The following RAB11FIP4 variants were observed in gnomAD, a reference collection of about 807,000 sequenced individuals.
The protein encoded by RAB11FIP4 is RAB11 family interacting protein 4.
A neutral mutation model predicts 74.3 loss-of-function variants in RAB11FIP4; 23 were observed. That is an observed-to-expected ratio of 0.31 (90% CI 0.22 to 0.44). The LOEUF is 0.44. Among genes scored for constraint, RAB11FIP4 ranks in the 20% least tolerant of loss-of-function variants. The pLI, the probability that RAB11FIP4 is intolerant of heterozygous loss-of-function variation, is 1.00. For synonymous variants in RAB11FIP4, 360 were observed against 359.9 expected (o/e 1.00, Z 0.00); for missense variants, 630 against 863.9 (o/e 0.73, Z 3.39).
intron 3 of RAB11FIP4, among the ~76,000 whole-genome samples, chr17:31,509,795 G>T (rs896197813): frequency 2.6e-5 from 4 of 152,108 alleles, no homozygotes; most frequent in African/African-American, 9.7e-5. Flanking sequence ...CTTACCCCTG[G>T]CTCTGTTGGG....
intron 3 of RAB11FIP4, among the ~76,000 whole-genome samples, chr17:31,443,730 C>T (rs975578942): frequency 5.3e-5 from 8 of 151,854 alleles, no homozygotes; most frequent in Non-Finnish European, 1.2e-4. Flanking sequence ...GCCAACATGG[C>T]GAAACCCCAT....
In RAB11FIP4 at chr17:31,500,754, G is replaced by A. The variant is rs188621867; in HGVS notation, c.337-16897G>A. ...AAGAAAATGGAAGTGGCTGGGCATGGTGGCTCATGCCTGTAATCCCAGCAC... is the reference window on the plus strand; with the variant it reads ...AAGAAAATGGAAGTGGCTGGGCATGATGGCTCATGCCTGTAATCCCAGCAC... On this transcript the variant is annotated intron_variant, in intron 3 of 14. Transcript: ENST00000621161. Among the ~76,000 whole-genome samples the A allele has an allele frequency of 2.4e-3, 365 of 152,348 alleles. 2 individuals carry two copies. Among genetic ancestry groups the A allele is most frequent in the Admixed American group, 0.01 (158 of 15,304 alleles).
rs2072981526 is a variant in RAB11FIP4, at chr17:31,537,279, TC to T, written c.*5550del. On this transcript the variant is annotated 3_prime_UTR_variant, in exon 15 of 15. Coordinates refer to ENST00000621161, the MANE Select transcript of RAB11FIP4 (RefSeq NM_032932.6). ...TGCCTCCCCCAGGTGAGGCCAGCTC[TC>T]CCGGGCACATTCGTCCACAAGGATC... 1 of 398,682 alleles carries T rather than the reference TC, an allele frequency of 2.5e-6. No individual in the cohort carries two copies. The allele number at this position is 398,682 out of a possible 1,614,324, so 24.7% of individuals were successfully genotyped here. A position where few individuals can be genotyped will look rare whatever the true frequency, so the allele number is the denominator to read the frequency against.
intron 1 of RAB11FIP4, among the ~76,000 whole-genome samples, chr17:31,423,042 C>T (rs1454999940): frequency 6.6e-6 from 1 of 151,742 alleles, no homozygotes; most frequent in Non-Finnish European, 1.5e-5. Flanking sequence ...GCCTCAGCCT[C>T]CTGAGTTGCT....
At chr17:31,523,384 G>T (rs2142820769) in intron 7 of RAB11FIP4, 128 bp from the exon 8 acceptor site, 1 of 752,898 alleles carries the variant, frequency 1.3e-6, no homozygotes, top group South Asian at 1.5e-5. Context: ...CTCTCAGGCT[G>T]AGTGAGGGCA....
At chr17:31,519,757 G>C (rs1475450627) in intron 4 of RAB11FIP4, among the ~76,000 whole-genome samples, 3 of 152,210 alleles carry the variant, frequency 2.0e-5, no homozygotes, top group Admixed American at 2.0e-4. Context: ...TCAAACTCAA[G>C]TGATTCTCAG....
Position 31,537,154 on chromosome 17 carries a change from C to T in RAB11FIP4, c.*5422C>T. 2.5e-6 allele frequency: 1 copy of T among 399,704 alleles called. No individual in the cohort carries two copies. Among genetic ancestry groups the T allele is most frequent in the Middle Eastern group, 6.3e-4 (1 of 1,588 alleles). 24.8% of individuals were successfully genotyped at this position (399,704 alleles called of 1,614,324 possible). ...TCCTTGTGCCTTTTCTTCCCCATCG[C>T]CACTGTACAGGATTTTCCACATTGC... On this transcript the variant is annotated 3_prime_UTR_variant, in exon 15 of 15. Coordinates refer to ENST00000621161, the MANE Select transcript of RAB11FIP4 (RefSeq NM_032932.6).
At chr17:31,513,982 C>T (rs73988083) in intron 3 of RAB11FIP4, among the ~76,000 whole-genome samples, 2,764 of 152,252 alleles carry the variant, frequency 0.018, 69 homozygotes, top group African/African-American at 0.061. Flanking sequence ...GCAGCTCGCA[C>T]GGGGCTGTTG....
intron 3 of RAB11FIP4, among the ~76,000 whole-genome samples, chr17:31,504,178 TGGA>T (rs2072273353): frequency 6.8e-6 from 1 of 147,174 alleles, no homozygotes; most frequent in African/African-American, 2.7e-5. Flanking sequence ...TCACCCAGGC[TGGA>T]GTGCAGTGGC....
chr17:31,484,973 T>C (rs572073444), intron 3 of RAB11FIP4, among the ~76,000 whole-genome samples: 2 of 152,360 alleles, frequency 1.3e-5, no homozygotes, highest in African/African-American at 4.8e-5. Flanking sequence ...AGCCAAGATA[T>C]GGCCCTTGGC....
intron 3 of RAB11FIP4, among the ~76,000 whole-genome samples, chr17:31,439,641 C>T (rs886425972): frequency 3.3e-5 from 5 of 152,132 alleles, no homozygotes; most frequent in African/African-American, 9.6e-5. Flanking sequence ...GAGGCAGTCT[C>T]GCTCTACTGC....
intron 3 of RAB11FIP4, among the ~76,000 whole-genome samples, chr17:31,477,343 C>T (rs2071803570): frequency 6.6e-6 from 1 of 152,236 alleles, no homozygotes; most frequent in African/African-American, 2.4e-5. Context: ...GGGCACTTAC[C>T]TGGTGGGGGG....
In RAB11FIP4 at chr17:31,391,703, T is replaced by G. The variant is rs2070872225; in HGVS notation, c.-150T>G. On this transcript the variant is annotated 5_prime_UTR_variant, in exon 1 of 15. Coordinates refer to ENST00000621161, the MANE Select transcript of RAB11FIP4 (RefSeq NM_032932.6). ...GCGGCTGGGGCTGCGGCGCCGCTGCTGACACGGATCGGCCGCGGCCGCCAC... is the reference window on the plus strand; with the variant it reads ...GCGGCTGGGGCTGCGGCGCCGCTGCGGACACGGATCGGCCGCGGCCGCCAC... 2.2e-6 allele frequency: 1 copy of G among 449,488 alleles called. No homozygotes were observed. The highest frequency in any genetic ancestry group is 2.2e-5 in the African/African-American group (1 of 45,860). The allele number at this position is 449,488 out of a possible 1,614,324, so 27.8% of individuals were successfully genotyped here. A position where few individuals can be genotyped will look rare whatever the true frequency, so the allele number is the denominator to read the frequency against.
chr17:31,482,727 T>C (rs759359411), intron 3 of RAB11FIP4, among the ~76,000 whole-genome samples: 5 of 152,204 alleles, frequency 3.3e-5, no homozygotes, highest in Non-Finnish European at 5.9e-5. Context: ...AGTCATCAAA[T>C]ACTGAATTTA....
At chr17:31,413,667 C>T (rs536961767) in intron 1 of RAB11FIP4, among the ~76,000 whole-genome samples, 18 of 152,258 alleles carry the variant, frequency 1.2e-4, no homozygotes, top group Non-Finnish European at 2.5e-4. Context: ...CAGCATAACC[C>T]CCTCCTCCTC....
At chr17:31,519,005 G>GTT (rs2072613114) in intron 4 of RAB11FIP4, among the ~76,000 whole-genome samples, 1 of 116,476 alleles carries the variant, frequency 8.6e-6, no homozygotes, top group African/African-American at 3.3e-5. Context: ...GCTAAGTTTT[G>GTT]TCTTTTTTTT....
rs2072976907 is a variant in RAB11FIP4 at position 31,537,025 on chromosome 17, G to A, written c.*5293G>A. On this transcript the variant is annotated 3_prime_UTR_variant, in exon 15 of 15. Transcript: ENST00000621161. Reference sequence around the variant, plus strand: ...GGCATCCAGGCCATGTCTCCTGCAGGATCCAAGTGCTGTTGTCCCCAGGGT... The same window carrying A: ...GGCATCCAGGCCATGTCTCCTGCAGAATCCAAGTGCTGTTGTCCCCAGGGT... The A allele has an allele frequency of 2.5e-6, 1 of 399,338 alleles. No individual in the cohort carries two copies. Among genetic ancestry groups the A allele is most frequent in the Non-Finnish European group, 4.4e-6 (1 of 226,230 alleles). The allele number at this position is 399,338 out of a possible 1,614,324, so 24.7% of individuals were successfully genotyped here. A position where few individuals can be genotyped will look rare whatever the true frequency, so the allele number is the denominator to read the frequency against.
At chr17:31,409,163 C>T (rs1597901188) in intron 1 of RAB11FIP4, among the ~76,000 whole-genome samples, 1 of 152,066 alleles carries the variant, frequency 6.6e-6, no homozygotes. Context: ...AGGCAGGACC[C>T]CATCATCCTT....
chr17:31,537,190 C>CT lies in RAB11FIP4; in HGVS notation c.*5462dup, dbSNP rs2072979564. On this transcript the variant is annotated 3_prime_UTR_variant, in exon 15 of 15. Transcript: ENST00000621161. Reference sequence around the variant, plus strand: ...GATTTTCCACATTGCCCACTGCCTCCTTTTCTACATCGTCTCATCTCCCTG... The same window carrying CT: ...GATTTTCCACATTGCCCACTGCCTCCTTTTTCTACATCGTCTCATCTCCCTG... 2.5e-6 allele frequency: 1 copy of CT among 399,404 alleles called. No homozygotes were observed. The highest frequency in any genetic ancestry group is 4.4e-6 in the Non-Finnish European group (1 of 226,244). 24.7% of individuals were successfully genotyped at this position (399,404 alleles called of 1,614,324 possible).
Sources: gnomAD v4.1 joint callset for allele counts (sites outside exome capture counted in the v4.1 genomes callset) on GRCh38, gnomAD v4.1.1 for gene constraint, MANE v1.5 for transcripts, NCBI Gene and HGNC (gene_info 2026-07-23, HGNC 2026-07-21) for gene names.